MYO16: variants seen among roughly 807,000 people sequenced by gnomAD.
MYO16 encodes myosin XVI.
In MYO16, 94 loss-of-function variants were observed where a neutral mutation model predicts 205.3. That is an observed-to-expected ratio of 0.46 (90% CI 0.39 to 0.54). MYO16 has a LOEUF of 0.54. Among genes scored for constraint, MYO16 ranks in the 20% least tolerant of loss-of-function variants. The pLI is 0.00. For synonymous variants in MYO16, 988 were observed against 954.0 expected (o/e 1.04, Z -0.66); for missense variants, 2,315 against 2,387.5 (o/e 0.97, Z 0.63).
intron 34 of MYO16, among the ~76,000 whole-genome samples, chr13:109,201,730 T>C (rs183632369): frequency 2.0e-4 from 31 of 152,184 alleles, no homozygotes; most frequent in Non-Finnish European, 4.3e-4. Flanking sequence ...ACCCAATTTG[T>C]AGTCTTTTAT....
At chr13:108,972,498 G>A (rs1459179373) in intron 20 of MYO16, among the ~76,000 whole-genome samples, 4 of 145,366 alleles carry the variant, frequency 2.8e-5, no homozygotes, top group Non-Finnish European at 6.0e-5. Flanking sequence ...GGACACCCAA[G>A]ATGCAGCCCA....
chr13:108,986,929 A>G (rs1413617986), intron 20 of MYO16, among the ~76,000 whole-genome samples: 1 of 152,070 alleles, frequency 6.6e-6, no homozygotes, highest in Non-Finnish European at 1.5e-5. Flanking sequence ...TCTATCTAAT[A>G]CTCATCTGTG....
intron 16 of MYO16, among the ~76,000 whole-genome samples, chr13:108,919,034 C>T (rs1318343064): frequency 6.6e-6 from 1 of 151,962 alleles, no homozygotes; most frequent in Admixed American, 6.6e-5. Context: ...CAGATAGTCA[C>T]GATTTGGGGA....
intron 21 of MYO16, among the ~76,000 whole-genome samples, chr13:109,006,825 A>G (rs892979843): frequency 1.3e-5 from 2 of 152,154 alleles, no homozygotes; most frequent in Non-Finnish European, 2.9e-5. Flanking sequence ...TAAGCTCACA[A>G]AAGAAGTGGG....
At chr13:109,026,941 G>A (rs1472474547) in intron 23 of MYO16, among the ~76,000 whole-genome samples, 1 of 152,190 alleles carries the variant, frequency 6.6e-6, no homozygotes, top group African/African-American at 2.4e-5. Context: ...AAGCCTTGGT[G>A]AAGTTCAGTG....
chr13:109,136,320 C>T (rs1199980565), intron 31 of MYO16, among the ~76,000 whole-genome samples: 1 of 152,086 alleles, frequency 6.6e-6, no homozygotes, highest in African/African-American at 2.4e-5. Flanking sequence ...GTCTTGAACT[C>T]CTGACCTTGT....
At chr13:108,768,686 C>A (rs1233100031) in intron 4 of MYO16, among the ~76,000 whole-genome samples, 1 of 151,972 alleles carries the variant, frequency 6.6e-6, no homozygotes, top group Admixed American at 6.6e-5. Flanking sequence ...TTTAATAAAA[C>A]AATTAATGTG....
At chr13:108,521,658 A>G in the MYO16 span, among the ~76,000 whole-genome samples, 1 of 152,152 alleles carries the variant, frequency 6.6e-6, no homozygotes, top group African/African-American at 2.4e-5. Context: ...ATGTCTGATA[A>G]TCTACCTCTG....
rs1876205468 is a variant in MYO16, at chr13:109,125,477, G to T, written c.3782+119G>T. On this transcript the variant is annotated intron_variant, in intron 30 of 34. Transcript: ENST00000457511. This position sits in a 1 kb window ranked among gnomAD's most constrained non-coding sequence, Gnocchi z 4.0. ...AATATGACAGGAGTTGCAGGAACAG[G>T]CATGCGTGGTTTGTTATTCGAAATG... 1 of 1,349,074 alleles carries T rather than the reference G, an allele frequency of 7.4e-7. No homozygotes were observed. The allele number at this position is 1,349,074 out of a possible 1,614,324, so 83.6% of individuals were successfully genotyped here. A position where few individuals can be genotyped will look rare whatever the true frequency, so the allele number is the denominator to read the frequency against.
intron 1 of MYO16, among the ~76,000 whole-genome samples, chr13:108,635,414 A>C (rs1331642115): frequency 2.0e-5 from 3 of 152,112 alleles, no homozygotes; most frequent in Non-Finnish European, 2.9e-5. Flanking sequence ...TGGGTTTTTA[A>C]TCCTTTTACT....
chr13:108,570,541 T>TA, the MYO16 span, among the ~76,000 whole-genome samples: 1 of 152,226 alleles, frequency 6.6e-6, no homozygotes, highest in Non-Finnish European at 1.5e-5. Context: ...TAAGCCATCA[T>TA]GTCCAGTCTA....
intron 34 of MYO16, among the ~76,000 whole-genome samples, chr13:109,202,215 TACTC>T (rs140127687): frequency 0.1 from 15,178 of 152,122 alleles, 1,002 homozygotes; most frequent in African/African-American, 0.18. Flanking sequence ...TCTGGGTAGA[TACTC>T]AGTAGTGGGA....
chr13:109,204,767 C>T (rs757740790), intron 34 of MYO16, among the ~76,000 whole-genome samples: 2 of 152,158 alleles, frequency 1.3e-5, no homozygotes, highest in Admixed American at 1.3e-4. Flanking sequence ...GTGGCTTTGG[C>T]CAGATTACCT....
At chr13:108,886,674 C>T (rs181558594) in intron 13 of MYO16, among the ~76,000 whole-genome samples, 2 of 148,196 alleles carry the variant, frequency 1.3e-5, no homozygotes, top group East Asian at 4.1e-4. Flanking sequence ...TGCTAAGGAA[C>T]GGACTCTTCC....
intron 20 of MYO16, among the ~76,000 whole-genome samples, chr13:108,983,213 CA>C (rs1027034584): frequency 6.6e-6 from 1 of 152,024 alleles, no homozygotes; most frequent in Admixed American, 6.6e-5. Context: ...CCATCTGTAC[CA>C]TTGATTTCAT....
At chr13:108,532,396 T>C in the MYO16 span, among the ~76,000 whole-genome samples, 1 of 151,488 alleles carries the variant, frequency 6.6e-6, no homozygotes, top group East Asian at 2.0e-4. Context: ...AGTAGTGATA[T>C]CAGGAGAAAA....
intron 32 of MYO16, among the ~76,000 whole-genome samples, chr13:109,142,178 A>G (rs902056309): frequency 6.6e-6 from 1 of 152,238 alleles, no homozygotes; most frequent in African/African-American, 2.4e-5. Flanking sequence ...TTCAGATGAC[A>G]CGACCTCAGT....
chr13:108,738,331 T>C (rs1884778393), intron 4 of MYO16, among the ~76,000 whole-genome samples: 1 of 152,260 alleles, frequency 6.6e-6, no homozygotes, highest in Non-Finnish European at 1.5e-5. Flanking sequence ...TCTGGTATAC[T>C]GTGTCTTTGT....
the MYO16 span, among the ~76,000 whole-genome samples, chr13:108,559,514 G>A: frequency 2.5e-5 from 3 of 121,108 alleles, no homozygotes; most frequent in Non-Finnish European, 4.8e-5. Context: ...TTGCTCTGTC[G>A]CCAGGCTGGA....
Sources: gnomAD v4.1 joint callset for allele counts (sites outside exome capture counted in the v4.1 genomes callset) on GRCh38, gnomAD v4.1.1 for gene constraint, Gnocchi (gnomAD v3.1) non-coding constraint, MANE v1.5 for transcripts, NCBI Gene and HGNC (gene_info 2026-07-23, HGNC 2026-07-21) for gene names.